Variants in PCSK2 observed in about 807,000 individuals in gnomAD.
PCSK2 encodes proprotein convertase subtilisin/kexin type 2.
In PCSK2, 14 loss-of-function variants were observed where a neutral mutation model predicts 69.7. That is an observed-to-expected ratio of 0.20 (90% CI 0.13 to 0.31). The LOEUF (loss-of-function observed/expected upper bound fraction) is 0.31. PCSK2 is among the 10% of genes least tolerant of loss of function. The pLI is 1.00. For missense variants in PCSK2, 544 were observed against 842.5 expected (o/e 0.65, Z 4.39); for synonymous variants, 307 against 320.7 (o/e 0.96, Z 0.46).
intron 8 of PCSK2, among the ~76,000 whole-genome samples, chr20:17,441,665 T>A (rs2032598545): frequency 6.6e-6 from 1 of 151,984 alleles, no homozygotes; most frequent in African/African-American, 2.4e-5. Flanking sequence ...ACTCCCCTTT[T>A]TAAAACCATG....
intron 5 of PCSK2, among the ~76,000 whole-genome samples, chr20:17,389,330 A>G (rs2031313549): frequency 6.6e-6 from 1 of 152,214 alleles, no homozygotes; most frequent in South Asian, 2.1e-4. Flanking sequence ...AGCCGTGGTC[A>G]TCAGTTCACA....
intron 2 of PCSK2, among the ~76,000 whole-genome samples, chr20:17,280,757 T>C (rs1479322476): frequency 6.6e-6 from 1 of 152,162 alleles, no homozygotes; most frequent in African/African-American, 2.4e-5. Context: ...GATAGCTGAG[T>C]AATTAATTGG....
intron 6 of PCSK2, among the ~76,000 whole-genome samples, chr20:17,411,979 A>G (rs909867270): frequency 2.0e-5 from 3 of 152,248 alleles, no homozygotes; most frequent in African/African-American, 7.2e-5. Context: ...AAGGAATAGC[A>G]TCAACATCAA....
At chr20:17,435,353 T>C (rs1310000965) in intron 7 of PCSK2, among the ~76,000 whole-genome samples, 2 of 152,170 alleles carry the variant, frequency 1.3e-5, no homozygotes, top group East Asian at 3.9e-4. Flanking sequence ...TCTGGTGGTA[T>C]ATGAAACACG....
chr20:17,233,715 C>A (rs184419499), intron 1 of PCSK2, among the ~76,000 whole-genome samples: 1 of 152,156 alleles, frequency 6.6e-6, no homozygotes, highest in Admixed American at 6.5e-5. Flanking sequence ...CAGCAAAAGA[C>A]GCCTGTAACA....
intron 4 of PCSK2, among the ~76,000 whole-genome samples, chr20:17,364,337 T>C (rs2030513520): frequency 6.6e-6 from 1 of 152,230 alleles, no homozygotes; most frequent in African/African-American, 2.4e-5. Flanking sequence ...CCAGTTACTT[T>C]TGCTGCATAA....
At chr20:17,450,629 C>T (rs1264197317) in intron 8 of PCSK2, among the ~76,000 whole-genome samples, 2 of 152,148 alleles carry the variant, frequency 1.3e-5, no homozygotes, top group African/African-American at 2.4e-5. Flanking sequence ...AAGGCACTGG[C>T]AGGTTCAGTG....
chr20:17,272,382 A>G (rs1341847533), intron 2 of PCSK2, among the ~76,000 whole-genome samples: 1 of 152,140 alleles, frequency 6.6e-6, no homozygotes, highest in African/African-American at 2.4e-5. Flanking sequence ...ATTAATAGTG[A>G]ACCTACAATT....
intron 2 of PCSK2, among the ~76,000 whole-genome samples, chr20:17,266,027 T>C (rs1987587576): frequency 6.6e-6 from 1 of 152,188 alleles, no homozygotes; most frequent in African/African-American, 2.4e-5. Context: ...TAAACAATTG[T>C]TTGCACTAAT....
intron 2 of PCSK2, among the ~76,000 whole-genome samples, chr20:17,338,867 C>T (rs1034659632): frequency 3.3e-5 from 5 of 152,224 alleles, no homozygotes; most frequent in South Asian, 2.1e-4. Context: ...CACACTAGTG[C>T]GATGGGTGAG....
intron 5 of PCSK2, among the ~76,000 whole-genome samples, chr20:17,382,676 C>T (rs1269226944): frequency 6.6e-6 from 1 of 152,118 alleles, no homozygotes; most frequent in Non-Finnish European, 1.5e-5. Flanking sequence ...ACAAAAGTTT[C>T]CTGCTTCCAC....
chr20:17,317,404 T>C (rs1226242491), intron 2 of PCSK2, among the ~76,000 whole-genome samples: 1 of 152,240 alleles, frequency 6.6e-6, no homozygotes, highest in Non-Finnish European at 1.5e-5. Context: ...CCAGACCCAG[T>C]TGACCCATCT....
chr20:17,387,830 T>C (rs1341253173), intron 5 of PCSK2, among the ~76,000 whole-genome samples: 3 of 152,128 alleles, frequency 2.0e-5, no homozygotes, highest in African/African-American at 7.2e-5. Flanking sequence ...CCTTAGCAAC[T>C]AGAGGGTAAA....
At chr20:17,295,495 ATTAT>A (rs1004126174) in intron 2 of PCSK2, among the ~76,000 whole-genome samples, 7 of 147,892 alleles carry the variant, frequency 4.7e-5, no homozygotes, top group African/African-American at 1.5e-4. Flanking sequence ...TTATTTATTT[ATTAT>A]TTATTTATTG....
At chr20:17,356,685 A>G (rs2030207900) in intron 2 of PCSK2, among the ~76,000 whole-genome samples, 1 of 152,200 alleles carries the variant, frequency 6.6e-6, no homozygotes, top group African/African-American at 2.4e-5. Flanking sequence ...GTTGTCAGGA[A>G]GATATCGGGG....
chr20:17,296,405 A>T (rs1208272815), intron 2 of PCSK2, among the ~76,000 whole-genome samples: 1 of 152,214 alleles, frequency 6.6e-6, no homozygotes, highest in African/African-American at 2.4e-5. Context: ...TAAACATTAA[A>T]TAAGATGACC....
At chr20:17,268,389 A>C (rs1006757512) in intron 2 of PCSK2, among the ~76,000 whole-genome samples, 1 of 152,142 alleles carries the variant, frequency 6.6e-6, no homozygotes, top group African/African-American at 2.4e-5. Context: ...AGGGAGAGCC[A>C]TAGAGGGGTG....
chr20:17,478,506 T>TA (rs556571960), intron 11 of PCSK2, among the ~76,000 whole-genome samples: 8 of 152,136 alleles, frequency 5.3e-5, no homozygotes, highest in Admixed American at 1.3e-4. Flanking sequence ...AACTTTAAAT[T>TA]AAAAAAAATC....
intron 1 of PCSK2, among the ~76,000 whole-genome samples, chr20:17,253,285 G>T (rs540992843): frequency 6.6e-6 from 1 of 152,150 alleles, no homozygotes; most frequent in Non-Finnish European, 1.5e-5. Flanking sequence ...GCAAAGTTGT[G>T]CAATCATTAC....
Sources: gnomAD v4.1 joint callset for allele counts (sites outside exome capture counted in the v4.1 genomes callset) on GRCh38, gnomAD v4.1.1 for gene constraint, MANE v1.5 for transcripts, NCBI Gene and HGNC (gene_info 2026-07-23, HGNC 2026-07-21) for gene names.